The following MAP3K11 variants were observed in gnomAD, a reference collection of about 807,000 sequenced individuals.
The protein encoded by MAP3K11 is SH3 domain-containing proline-rich kinase.
Under a neutral mutation model 84.9 loss-of-function variants are expected in MAP3K11, and 46 were observed. The ratio of observed to expected loss-of-function variants is 0.54; its 90% CI spans 0.43 to 0.69. The LOEUF (loss-of-function observed/expected upper bound fraction) is 0.69. Ranked by LOEUF, MAP3K11 falls within the 30% of genes least tolerant of loss-of-function variation. The pLI is 0.00. For synonymous variants in MAP3K11, 527 were observed against 514.7 expected (o/e 1.02, Z -0.32); for missense variants, 1,053 against 1,198.3 (o/e 0.88, Z 1.79).
At chr11:65,608,651 CTT>C in intron 1 of MAP3K11, 2 of 554,142 alleles carry the variant, frequency 3.6e-6, no homozygotes, top group Non-Finnish European at 6.4e-6. Flanking sequence ...GAGTTTTGCT[CTT>C]GTTGCCCAGG....
At position 65,597,925 on chromosome 11, in the gene MAP3K11, A is replaced by T; in HGVS notation, c.*366T>A. ...GCCCTAGGGCAGGGGCCGCAGTAGCAGGACTTGGTCAAAAGTGCTGGTGAC... is the reference window on the plus strand; with the variant it reads ...GCCCTAGGGCAGGGGCCGCAGTAGCTGGACTTGGTCAAAAGTGCTGGTGAC... On this transcript the variant is annotated 3_prime_UTR_variant, in exon 10 of 10. Coordinates refer to ENST00000309100, the MANE Select transcript of MAP3K11 (RefSeq NM_002419.4). The T allele has an allele frequency of 4.9e-6, 1 of 205,524 alleles. No individual in the cohort carries two copies. The highest frequency in any genetic ancestry group is 9.7e-6 in the Non-Finnish European group (1 of 103,120). 12.7% of individuals were successfully genotyped at this position (205,524 alleles called of 1,614,324 possible).
rs775868356 is a variant in MAP3K11, at chr11:65,606,095, C to T, written c.1604-14G>A. ...CTGCAGGCTCCACTGCAGGGGAAAC[C>T]GATGAAATCGGAGATAATCTTTATT... On this transcript the variant is annotated splice_polypyrimidine_tract_variant and intron_variant, in intron 6 of 9. Transcript: ENST00000309100. 1 of 1,559,080 alleles carries T rather than the reference C, an allele frequency of 6.4e-7. No individual in the cohort carries two copies.
At chr11:65,604,347 C>T (rs1330299299) in intron 8 of MAP3K11, among the ~76,000 whole-genome samples, 1 of 152,248 alleles carries the variant, frequency 6.6e-6, no homozygotes, top group African/African-American at 2.4e-5. Flanking sequence ...CTCAAGTTCT[C>T]CTTTGGCCCA....
intron 1 of MAP3K11, 131 bp from the exon 2 acceptor site, chr11:65,608,579 C>A (rs1854539499): frequency 1.5e-6 from 1 of 679,292 alleles, no homozygotes; most frequent in South Asian, 1.9e-5. Flanking sequence ...TGGTCTAGAT[C>A]TTGAGGACCT....
rs757118521 is a variant in MAP3K11, at chr11:65,599,587, G to A, written c.2013C>T (p.Arg671=). ...LQPPGGPGRE[R]GESPTTPPTP... The stretch of plus-strand genomic sequence containing the variant: ...TGGGGGGTGTTGTCGGGGACTCCCC[G>A]CGCTCGCGTCCTGGGCCTCCCGGCG... Residue 671 remains arginine (R), a synonymous_variant, in exon 9 of 10, where the codon CGC becomes CGT. Coordinates refer to ENST00000309100, the MANE Select transcript of MAP3K11 (RefSeq NM_002419.4). 2.5e-5 allele frequency: 38 copies of A among 1,519,264 alleles called. No homozygotes were observed. The highest frequency in any genetic ancestry group is 2.9e-5 in the African/African-American group (2 of 68,724). The allele number at this position is 1,519,264 out of a possible 1,614,324, so 94.1% of individuals were successfully genotyped here.
At chr11:65,604,303 C>T (rs1056939917) in intron 8 of MAP3K11, among the ~76,000 whole-genome samples, 3 of 152,262 alleles carry the variant, frequency 2.0e-5, no homozygotes, top group African/African-American at 4.8e-5. Flanking sequence ...ACAGTCAGGA[C>T]CTGCTTCAGC....
In MAP3K11 at chr11:65,599,716, G is replaced by T; in HGVS notation, c.1884C>A (p.Pro628=). The change falls in exon 9 of 10, where the codon CCC becomes CCA. Residue 628 remains proline, a synonymous_variant. Coordinates refer to ENST00000309100, the MANE Select transcript of MAP3K11 (RefSeq NM_002419.4). The part of the protein sequence containing the change: ...LEPEEPKRPV[P]AERGSSSGTP... ...TCCCAGAGCTGCTACCGCGCTCTGC[G>T]GGGACAGGCCTCTTGGGCTCCTCGG... is the stretch of plus-strand genomic sequence containing the variant. The T allele has an allele frequency of 6.3e-7, 1 of 1,586,132 alleles. No homozygotes were observed. Among genetic ancestry groups the T allele is most frequent in the Non-Finnish European group, 8.5e-7 (1 of 1,173,844 alleles).
Position 65,599,449 on chromosome 11 carries a change from A to G in MAP3K11, c.2151T>C (p.Gly717=), listed in dbSNP as rs757312458. Residue 717 remains glycine, a synonymous_variant, in exon 9 of 10, where the codon GGT becomes GGC. Transcript: ENST00000309100. ...PTPAPLLLDL[G]IPVGQRSAKS... ...TGGCTGACCGCTGGCCCACAGGGATACCCAGGTCCAGCAACAGGGGTGCAG... is the reference window on the plus strand; with the variant it reads ...TGGCTGACCGCTGGCCCACAGGGATGCCCAGGTCCAGCAACAGGGGTGCAG... The G allele has an allele frequency of 6.6e-7, 1 of 1,518,316 alleles. No individual in the cohort carries two copies. The highest frequency in any genetic ancestry group is 1.3e-5 in the South Asian group (1 of 77,798). The allele number at this position is 1,518,316 out of a possible 1,614,324, so 94.1% of individuals were successfully genotyped here.
chr11:65,601,999 C>T lies in MAP3K11; in HGVS notation c.1832-2231G>A, dbSNP rs183221934. Among the ~76,000 whole-genome samples, 404 of 149,722 alleles carry T rather than the reference C, an allele frequency of 2.7e-3. 3 individuals are homozygous for T. The highest frequency in any genetic ancestry group is 9.7e-3 in the African/African-American group (393 of 40,646). On this transcript the variant is annotated intron_variant, in intron 8 of 9. Transcript: ENST00000309100. ...TGGGCGGATCACGAGGTCAAGAAAT[C>T]GAGACCATCCTGGCCAACATGGTGA...
Position 65,598,505 on chromosome 11 carries a change from T to C in MAP3K11, c.2330A>G (p.Asp777Gly). ...CCCAGCTGACACAAAGCTCCAGGGA[T>C]CAATGCGGCTGCGAAGGGGCGAGGG... Reference protein sequence around the residue: ...PRPSPLRSRIDPWSFVSAGPR... With the variant: ...PRPSPLRSRIGPWSFVSAGPR... Residue 777 changes from aspartate to glycine, a missense_variant, in exon 10 of 10, where the codon GAT becomes GGT. Transcript: ENST00000309100. The C allele has an allele frequency of 6.2e-7, 1 of 1,613,454 alleles. No homozygotes were observed. The highest frequency in any genetic ancestry group is 8.5e-7 in the Non-Finnish European group (1 of 1,179,714).
Position 65,608,372 on chromosome 11 carries a change from T to C in MAP3K11, c.816A>G (p.Arg272=). ...TCATTTGTGTGGTTTTGTGCCACTC[T>C]CGGGCCAGGCCAAAGTCGGTGATCT... ...TLKITDFGLA[R]EWHKTTQMSA... Residue 272 remains arginine (R), a synonymous_variant, in exon 2 of 10, where the codon CGA becomes CGG. Transcript: ENST00000309100. The C allele has an allele frequency of 1.2e-6, 2 of 1,614,230 alleles. No individual in the cohort carries two copies. The highest frequency in any genetic ancestry group is 8.5e-7 in the Non-Finnish European group (1 of 1,180,034).
At position 65,606,098 on chromosome 11, in the gene MAP3K11, T is replaced by C. The variant is rs1159541944; in HGVS notation, c.1604-17A>G. ...CAGGCTCCACTGCAGGGGAAACCGA[T>C]GAAATCGGAGATAATCTTTATTCTC... On this transcript the variant is annotated splice_polypyrimidine_tract_variant and intron_variant, in intron 6 of 9. Transcript: ENST00000309100. 6.4e-7 allele frequency: 1 copy of C among 1,560,096 alleles called. No individual in the cohort carries two copies. Among genetic ancestry groups the C allele is most frequent in the Non-Finnish European group, 8.6e-7 (1 of 1,159,216 alleles).
Position 65,604,466 on chromosome 11 carries a change from G to A in MAP3K11, c.1831+1295C>T, listed in dbSNP as rs543460115. 2.0e-3 allele frequency among the ~76,000 whole-genome samples: 310 copies of A among 152,376 alleles called. 1 individual carries two copies. The highest frequency in any genetic ancestry group is 3.6e-3 in the Non-Finnish European group (242 of 68,034). On this transcript the variant is annotated intron_variant, in intron 8 of 9. Transcript: ENST00000309100. ...TGCTGGGGGCAGTGCAGCTGCTGGAGTAGCAAATGGCGGGGCAGATGGAGG... is the reference window on the plus strand; with the variant it reads ...TGCTGGGGGCAGTGCAGCTGCTGGAATAGCAAATGGCGGGGCAGATGGAGG...
In MAP3K11 at chr11:65,607,520, C is replaced by T; in HGVS notation, c.1246-7G>A. 1 of 1,561,642 alleles carries T rather than the reference C, an allele frequency of 6.4e-7. No individual in the cohort carries two copies. The highest frequency in any genetic ancestry group is 8.6e-7 in the Non-Finnish European group (1 of 1,160,782). On this transcript the variant is annotated splice_polypyrimidine_tract_variant and splice_region_variant and intron_variant, in intron 4 of 9. Transcript: ENST00000309100. Reference sequence around the variant, plus strand: ...CCTCGCGGCTCAGTAGTTCCTGCGCCCGAGACAGCGATGGTGGAGAGGTCA... The same window carrying T: ...CCTCGCGGCTCAGTAGTTCCTGCGCTCGAGACAGCGATGGTGGAGAGGTCA...
chr11:65,613,587 T>C lies in MAP3K11; in HGVS notation c.170A>G (p.Gln57Arg). 4 of 1,613,170 alleles carry C rather than the reference T, an allele frequency of 2.5e-6. No individual in the cohort carries two copies. Among genetic ancestry groups the C allele is most frequent in the Non-Finnish European group, 3.4e-6 (4 of 1,179,956 alleles). The change falls in exon 1 of 10, where the codon CAG becomes CGG. Residue 57 changes from glutamine (Q) to arginine (R), a missense_variant. Physicochemically the swap from Gln to Arg is conservative, Grantham distance 43. Transcript: ENST00000309100. ...TALFDYEPSG[Q>R]DELALRKGDR... ...ACCCTTCCTCAGGGCCAGCTCATCCTGCCCACTGGGCTCGTAGTCGAACAG... is the reference window on the plus strand; with the variant it reads ...ACCCTTCCTCAGGGCCAGCTCATCCCGCCCACTGGGCTCGTAGTCGAACAG...
At position 65,599,381 on chromosome 11, in the gene MAP3K11, TC is replaced by T. The variant is rs771344710; in HGVS notation, c.2206+12del. On this transcript the variant is annotated intron_variant, in intron 9 of 9. Coordinates refer to ENST00000309100, the MANE Select transcript of MAP3K11 (RefSeq NM_002419.4). ...CTCCCATATGTGAAGCAGGCCGGCT[TC>T]AGGCCACTCACCGCGGGGCTCCTCC... The T allele has an allele frequency of 8.5e-6, 13 of 1,536,220 alleles. No homozygotes were observed. In the Admixed American group the frequency reaches 2.3e-4, roughly 27 times the overall value.
Position 65,613,491 on chromosome 11 carries a change from C to G in MAP3K11, c.266G>C (p.Gly89Ala). The G allele has an allele frequency of 6.2e-7, 1 of 1,611,210 alleles. No homozygotes were observed. The highest frequency in any genetic ancestry group is 8.5e-7 in the Non-Finnish European group (1 of 1,178,698). Residue 89 changes from glycine (G) to alanine (A), a missense_variant, in exon 1 of 10, where the codon GGT (glycine) becomes GCT (alanine). Physicochemically the swap from Gly to Ala is moderately conservative, Grantham distance 60 (BLOSUM62 0). Coordinates refer to ENST00000309100, the MANE Select transcript of MAP3K11 (RefSeq NM_002419.4). The part of the protein sequence containing the change: ...GDEGWWAGQV[G>A]GQVGIFPSNY... ...GGACGGGAAGATGCCCACCTGGCCA[C>G]CCACCTGGCCCGCCCACCAGCCCTC... is the stretch of plus-strand genomic sequence containing the variant.
rs374217526 is a variant in MAP3K11, at chr11:65,613,272, C to T, written c.485G>A (p.Arg162His). Residue 162 changes from arginine (R) to histidine (H), a missense_variant, in exon 1 of 10, where the codon CGC becomes CAC. Arg to His is a conservative substitution (Grantham distance 29). Coordinates refer to ENST00000309100, the MANE Select transcript of MAP3K11 (RefSeq NM_002419.4). The stretch of plus-strand genomic sequence containing the variant: ...CATGGCGAAGAGCCGGGCCTCCTGG[C>T]GAACGCTCTCGGCTGTCACACTGAT... ...EDISVTAESV[R>H]QEARLFAMLA... is the part of the protein sequence containing the mutation. 2.4e-5 allele frequency: 38 copies of T among 1,611,960 alleles called. No homozygotes were observed. The highest frequency in any genetic ancestry group is 2.9e-5 in the Non-Finnish European group (34 of 1,178,990).
chr11:65,599,377 G>A lies in MAP3K11; in HGVS notation c.2206+17C>T, dbSNP rs375011164. The A allele has an allele frequency of 3.3e-6, 5 of 1,535,886 alleles. No individual in the cohort carries two copies. The highest frequency in any genetic ancestry group is 2.9e-5 in the African/African-American group (2 of 68,984). ...CCGTCTCCCATATGTGAAGCAGGCC[G>A]GCTTCAGGCCACTCACCGCGGGGCT... On this transcript the variant is annotated intron_variant, in intron 9 of 9. Coordinates refer to ENST00000309100, the MANE Select transcript of MAP3K11 (RefSeq NM_002419.4).
Sources: allele counts gnomAD v4.1 joint callset (sites outside exome capture counted in the v4.1 genomes callset), GRCh38; gene constraint gnomAD v4.1.1; transcripts MANE v1.5; gene names NCBI Gene and HGNC (gene_info 2026-07-23, HGNC 2026-07-21).